The following XKR4 variants were observed in gnomAD, a reference collection of about 807,000 sequenced individuals.
XKR4 encodes XK related 4.
In XKR4, 12 loss-of-function variants were observed where a neutral mutation model predicts 53.9. The ratio of observed to expected loss-of-function variants is 0.22; its 90% CI spans 0.14 to 0.36. The LOEUF (loss-of-function observed/expected upper bound fraction) is 0.36. Among genes scored for constraint, XKR4 ranks in the 10% least tolerant of loss-of-function variants. The pLI is 1.00. For synonymous variants in XKR4, 354 were observed against 362.4 expected (o/e 0.98, Z 0.26); for missense variants, 799 against 859.5 (o/e 0.93, Z 0.88).
intron 1 of XKR4, among the ~76,000 whole-genome samples, chr8:55,318,977 A>T (rs923854745): frequency 6.6e-6 from 1 of 152,236 alleles, no homozygotes; most frequent in African/African-American, 2.4e-5. Flanking sequence ...GTTCTAGTAC[A>T]GTACCTATTG....
intron 1 of XKR4, among the ~76,000 whole-genome samples, chr8:55,139,545 CT>C (rs1276775958): frequency 3.4e-5 from 5 of 147,548 alleles, no homozygotes; most frequent in African/African-American, 1.3e-4. Context: ...GGCTTAGCAC[CT>C]TTGGCCCTAA....
At chr8:55,271,574 T>C (rs1818691525) in intron 1 of XKR4, among the ~76,000 whole-genome samples, 1 of 152,222 alleles carries the variant, frequency 6.6e-6, no homozygotes, top group African/African-American at 2.4e-5. Flanking sequence ...AGAGACTCAC[T>C]TATCACAGGC....
intron 2 of XKR4, among the ~76,000 whole-genome samples, chr8:55,383,800 G>T (rs756666899): frequency 1.4e-4 from 22 of 152,038 alleles, no homozygotes; most frequent in Non-Finnish European, 3.1e-4. Context: ...AGGAAACAGA[G>T]GTGCAGAAAA....
intron 2 of XKR4, chr8:55,455,079 C>G (rs1038162932): frequency 1.0e-5 from 7 of 693,150 alleles, no homozygotes; most frequent in Non-Finnish European, 1.9e-5. Flanking sequence ...TGGCCTTTCC[C>G]ACTCCCGCGC....
chr8:55,300,619 G>T (rs979722595), intron 1 of XKR4, among the ~76,000 whole-genome samples: 1 of 152,064 alleles, frequency 6.6e-6, no homozygotes, highest in Non-Finnish European at 1.5e-5. Flanking sequence ...TGGAAATGAG[G>T]GTAGACAGAG....
chr8:55,340,058 G>GATT (rs1803519127), intron 1 of XKR4, among the ~76,000 whole-genome samples: 1 of 152,136 alleles, frequency 6.6e-6, no homozygotes, highest in South Asian at 2.1e-4. Flanking sequence ...AAGAATACGT[G>GATT]TACATGCCCA....
chr8:55,168,407 A>C (rs1462536928), intron 1 of XKR4, among the ~76,000 whole-genome samples: 1 of 152,176 alleles, frequency 6.6e-6, no homozygotes, highest in Non-Finnish European at 1.5e-5. Context: ...GTTTCATTCT[A>C]AAGTACATGA....
chr8:55,113,093 T>C (rs533741395), intron 1 of XKR4, among the ~76,000 whole-genome samples: 2 of 152,216 alleles, frequency 1.3e-5, no homozygotes, highest in East Asian at 3.9e-4. Context: ...CCAATATTAG[T>C]TGAGTTCTTA....
chr8:55,507,736 T>C (rs1806564155), intron 2 of XKR4, among the ~76,000 whole-genome samples: 1 of 152,214 alleles, frequency 6.6e-6, no homozygotes, highest in Non-Finnish European at 1.5e-5. Flanking sequence ...ATTTTCTTAA[T>C]CCAGTCTATC....
rs535454001 is a variant in XKR4 at position 55,112,828 on chromosome 8, A to G, written c.806+9534A>G. Reference sequence around the variant, plus strand: ...GTTTTGCAAGAGTAAAATTAATAACAATCCATTTTTAAAATGTAGGCTAAT... The same window carrying G: ...GTTTTGCAAGAGTAAAATTAATAACGATCCATTTTTAAAATGTAGGCTAAT... On this transcript the variant is annotated intron_variant, in intron 1 of 2. Coordinates refer to ENST00000327381, the MANE Select transcript of XKR4 (RefSeq NM_052898.2). 3.3e-5 allele frequency among the ~76,000 whole-genome samples: 5 copies of G among 152,194 alleles called. No individual in the cohort carries two copies. The South Asian group carries it at 1.0e-3, about 32-fold the overall frequency.
chr8:55,241,568 C>A (rs1818210994), intron 1 of XKR4, among the ~76,000 whole-genome samples: 1 of 152,102 alleles, frequency 6.6e-6, no homozygotes, highest in African/African-American at 2.4e-5. Flanking sequence ...TATGTTGTTT[C>A]CTGCCTAAAG....
At chr8:55,253,124 G>GA (rs1442985226) in intron 1 of XKR4, among the ~76,000 whole-genome samples, 1 of 152,120 alleles carries the variant, frequency 6.6e-6, no homozygotes, top group African/African-American at 2.4e-5. Flanking sequence ...TTTGTATGTA[G>GA]AAACAGAAAC....
At chr8:55,170,626 C>T (rs1817144491) in intron 1 of XKR4, among the ~76,000 whole-genome samples, 1 of 151,698 alleles carries the variant, frequency 6.6e-6, no homozygotes, top group Admixed American at 6.6e-5. Flanking sequence ...TGTTACAGCA[C>T]CAATAAGAAA....
chr8:55,501,067 G>A (rs916903437), intron 2 of XKR4, among the ~76,000 whole-genome samples: 3 of 152,216 alleles, frequency 2.0e-5, no homozygotes, highest in Non-Finnish European at 4.4e-5. Context: ...ACAGACAGGT[G>A]TAATACTGTA....
intron 2 of XKR4, among the ~76,000 whole-genome samples, chr8:55,448,423 C>T (rs1311258903): frequency 6.6e-6 from 1 of 152,158 alleles, no homozygotes; most frequent in Non-Finnish European, 1.5e-5. Flanking sequence ...GGGATTTTTG[C>T]AATCAAAATG....
chr8:55,469,168 G>A (rs998092916), intron 2 of XKR4, among the ~76,000 whole-genome samples: 1 of 152,070 alleles, frequency 6.6e-6, no homozygotes, highest in Non-Finnish European at 1.5e-5. Context: ...GTTCTGAGCT[G>A]CAGTGTGTCC....
chr8:55,468,465 C>A (rs186767478), intron 2 of XKR4, among the ~76,000 whole-genome samples: 1 of 151,702 alleles, frequency 6.6e-6, no homozygotes, highest in East Asian at 1.9e-4. Context: ...AATTTTTTTT[C>A]TTAATATGGG....
chr8:55,268,167 A>G (rs887505614), intron 1 of XKR4, among the ~76,000 whole-genome samples: 2 of 152,200 alleles, frequency 1.3e-5, no homozygotes, highest in Non-Finnish European at 2.9e-5. Flanking sequence ...TCATGAGTAC[A>G]TTATGCTCTA....
chr8:55,501,195 G>A (rs940242009), intron 2 of XKR4, among the ~76,000 whole-genome samples: 3 of 152,222 alleles, frequency 2.0e-5, no homozygotes, highest in Non-Finnish European at 4.4e-5. Context: ...AGTACTCAGC[G>A]ACAGTGTACA....
Sources: gnomAD v4.1 joint callset for allele counts (sites outside exome capture counted in the v4.1 genomes callset) on GRCh38, gnomAD v4.1.1 for gene constraint, MANE v1.5 for transcripts, NCBI Gene and HGNC (gene_info 2026-07-23, HGNC 2026-07-21) for gene names.